The following SORBS2 variants were observed in gnomAD, a reference collection of about 807,000 sequenced individuals.
SORBS2 encodes sorbin and SH3 domain-containing protein 2.
A neutral mutation model predicts 97.7 loss-of-function variants in SORBS2; 46 were observed. The ratio of observed to expected loss-of-function variants is 0.47; its 90% confidence interval spans 0.37 to 0.60. The LOEUF (loss-of-function observed/expected upper bound fraction) is 0.60. Among genes scored for constraint, SORBS2 ranks in the 20% least tolerant of loss-of-function variants. The pLI, the probability that SORBS2 is intolerant of heterozygous loss-of-function variation, is 0.00. For synonymous variants in SORBS2, 476 were observed against 473.4 expected (o/e 1.01, Z -0.07); for missense variants, 1,316 against 1,282.3 (o/e 1.03, Z -0.40).
chr4:185,915,313 A>G (rs1010770737), intron 1 of SORBS2, among the ~76,000 whole-genome samples: 1 of 152,238 alleles, frequency 6.6e-6, no homozygotes, highest in African/African-American at 2.4e-5. Flanking sequence ...GGGCACTGCC[A>G]TAGACTCACA....
chr4:185,687,598 AT>A (rs1394365507), intron 2 of SORBS2, among the ~76,000 whole-genome samples: 4 of 152,340 alleles, frequency 2.6e-5, no homozygotes, highest in African/African-American at 7.2e-5. Context: ...AGTGTTACAT[AT>A]TTTTGACCTA....
intron 1 of SORBS2, among the ~76,000 whole-genome samples, chr4:185,829,652 T>C (rs1425784369): frequency 6.6e-6 from 1 of 152,212 alleles, no homozygotes; most frequent in Non-Finnish European, 1.5e-5. Flanking sequence ...GGTAGAAGAA[T>C]GAGTTTTCTT....
intron 4 of SORBS2, 90 bp from the exon 14 acceptor site, chr4:185,639,125 G>T (rs1212748905): frequency 1.6e-6 from 2 of 1,234,932 alleles, no homozygotes; most frequent in African/African-American, 1.6e-5. Flanking sequence ...CTGTGCCTGC[G>T]TTAGGCCGGG....
chr4:185,652,792 T>C lies in SORBS2; in HGVS notation c.25-64A>G, dbSNP rs1465624585. 9 of 1,167,288 alleles carry C rather than the reference T, an allele frequency of 7.7e-6. No individual in the cohort carries two copies. In the Admixed American group the frequency reaches 1.5e-4, roughly 20 times the overall value. 72.3% of individuals were successfully genotyped at this position (1,167,288 alleles called of 1,614,324 possible). ...TCCAATCAACATCGCTTCTCAGTGT[T>C]TTCATTTCTCTATTTTATGTTCTTA... On this transcript the variant is annotated intron_variant, in intron 1 of 14. Coordinates refer to ENST00000418609, the Ensembl canonical transcript of SORBS2.
intron 1 of SORBS2, among the ~76,000 whole-genome samples, chr4:185,779,608 T>C (rs558302855): frequency 2.6e-5 from 4 of 152,336 alleles, no homozygotes; most frequent in Non-Finnish European, 5.9e-5. Flanking sequence ...TCCTCATCGC[T>C]TCCTATTATT....
intron 1 of SORBS2, among the ~76,000 whole-genome samples, chr4:185,944,953 T>C (rs2099273853): frequency 6.6e-6 from 1 of 152,158 alleles, no homozygotes; most frequent in Non-Finnish European, 1.5e-5. Context: ...AGCCAACAAT[T>C]TATAGGAAAA....
intron 4 of SORBS2, among the ~76,000 whole-genome samples, chr4:185,670,214 G>A (rs375543306): frequency 6.6e-6 from 1 of 151,724 alleles, no homozygotes; most frequent in African/African-American, 2.4e-5. Flanking sequence ...GCAAGACTCT[G>A]TCTCAAATTT....
intron 1 of SORBS2, among the ~76,000 whole-genome samples, chr4:185,842,624 T>C (rs1421482495): frequency 6.6e-6 from 1 of 151,050 alleles, no homozygotes; most frequent in African/African-American, 2.4e-5. Flanking sequence ...AAGGTAGGAG[T>C]GATGGAGTAA....
intron 4 of SORBS2, among the ~76,000 whole-genome samples, chr4:185,640,986 G>A (rs1211198758): frequency 6.6e-6 from 1 of 152,154 alleles, no homozygotes; most frequent in Non-Finnish European, 1.5e-5. Flanking sequence ...AAACGAATCT[G>A]TTTAAGAAAC....
chr4:185,898,076 C>T (rs1445347098), intron 1 of SORBS2, among the ~76,000 whole-genome samples: 1 of 152,190 alleles, frequency 6.6e-6, no homozygotes, highest in Non-Finnish European at 1.5e-5. Context: ...AGCTCCACAG[C>T]AGGGGCTAAC....
chr4:185,877,422 TTC>T (rs770510262), intron 1 of SORBS2, among the ~76,000 whole-genome samples: 2 of 152,250 alleles, frequency 1.3e-5, no homozygotes, highest in Non-Finnish European at 2.9e-5. Flanking sequence ...AACTTCAATG[TTC>T]TCTAACTATT....
intron 1 of SORBS2, among the ~76,000 whole-genome samples, chr4:185,819,940 C>G (rs958199922): frequency 2.0e-5 from 3 of 152,212 alleles, no homozygotes; most frequent in African/African-American, 7.2e-5. Context: ...TGCCTAACCT[C>G]TTTGTGCTTC....
chr4:185,952,422 C>T (rs1346088021), intron 1 of SORBS2, among the ~76,000 whole-genome samples: 1 of 152,238 alleles, frequency 6.6e-6, no homozygotes, highest in Non-Finnish European at 1.5e-5. Flanking sequence ...GTAGAGGTCA[C>T]CTGAGAACAC....
At position 185,874,181 on chromosome 4, in the gene SORBS2, G is replaced by A. The variant is rs954971555; in HGVS notation, c.-338+82015C>T. Among the ~76,000 whole-genome samples the A allele has an allele frequency of 1.6e-4, 25 of 152,142 alleles. 1 individual carries two copies. The highest frequency in any genetic ancestry group is 1.0e-3 in the Admixed American group (16 of 15,282). On this transcript the variant is annotated intron_variant, in intron 1 of 20. Coordinates refer to the SORBS2 transcript ENST00000284776. Reference sequence around the variant, plus strand: ...AGATTGAACTACGGTTTGCTGAGGCGCTGGAACATAGTGTTGTGCCAAAAA... The same window carrying A: ...AGATTGAACTACGGTTTGCTGAGGCACTGGAACATAGTGTTGTGCCAAAAA...
exon 15 of SORBS2, chr4:185,586,903 GATT>G (rs1561238411): frequency 6.6e-6 from 1 of 152,568 alleles, no homozygotes; most frequent in African/African-American, 2.4e-5. Flanking sequence ...GTATTGTCAT[GATT>G]ATTACCGAAG....
At chr4:185,764,630 A>G (rs552235896) in intron 2 of SORBS2, among the ~76,000 whole-genome samples, 1 of 152,338 alleles carries the variant, frequency 6.6e-6, no homozygotes, top group African/African-American at 2.4e-5. Flanking sequence ...TATGTTTTAC[A>G]TAGTTCCTCA....
intron 2 of SORBS2, among the ~76,000 whole-genome samples, chr4:185,716,529 G>T (rs546671705): frequency 6.6e-6 from 1 of 152,308 alleles, no homozygotes; most frequent in East Asian, 1.9e-4. Context: ...TTTCAGATAC[G>T]GGGCCCCTTC....
chr4:185,737,387 T>C (rs146035150), intron 2 of SORBS2, among the ~76,000 whole-genome samples: 57 of 152,272 alleles, frequency 3.7e-4, no homozygotes, highest in African/African-American at 1.3e-3. Flanking sequence ...GCTCCTTTAC[T>C]GGAACCATCG....
intron 8 of SORBS2, among the ~76,000 whole-genome samples, 187 bp downstream of exon 20, chr4:185,619,876 G>C (rs2096688809): frequency 6.6e-6 from 1 of 152,174 alleles, no homozygotes; most frequent in East Asian, 1.9e-4. Context: ...CACAGCTAGG[G>C]TCAGGGTGTG....
Sources: allele counts gnomAD v4.1 joint callset (sites outside exome capture counted in the v4.1 genomes callset), GRCh38; gene constraint gnomAD v4.1.1; transcripts MANE v1.5; gene names NCBI Gene and HGNC (gene_info 2026-07-23, HGNC 2026-07-21).